The following DOCK9 variants were observed in gnomAD, a reference collection of about 807,000 sequenced individuals.
DOCK9 encodes the protein dedicator of cytokinesis 9.
In DOCK9, 89 loss-of-function variants were observed where a neutral mutation model predicts 263.3. The observed-to-expected ratio is 0.34, with a 90% CI of 0.28 to 0.40. The LOEUF is 0.40. Among genes scored for constraint, DOCK9 ranks in the 10% least tolerant of loss-of-function variants. The pLI is 1.00. For synonymous variants in DOCK9, 976 were observed against 973.1 expected, an observed-to-expected ratio of 1.00 and a Z score of -0.06; for missense variants, 2,140 against 2,603.4, an observed-to-expected ratio of 0.82 and a Z score of 3.87.
intron 50 of DOCK9, among the ~76,000 whole-genome samples, chr13:98,799,074 A>T (rs907110079): frequency 1.3e-5 from 2 of 152,190 alleles, no homozygotes; most frequent in African/African-American, 4.8e-5. Flanking sequence ...TGGAATACTT[A>T]TGTTCACTTG....
intron 15 of DOCK9, among the ~76,000 whole-genome samples, chr13:98,896,786 T>C (rs2047503500): frequency 6.6e-6 from 1 of 152,190 alleles, no homozygotes; most frequent in Admixed American, 6.5e-5. Flanking sequence ...TGCTCCCTCT[T>C]TGCCTCATTG....
chr13:99,020,461 T>G (rs552898719), intron 1 of DOCK9, among the ~76,000 whole-genome samples: 49 of 152,166 alleles, frequency 3.2e-4, no homozygotes, highest in African/African-American at 8.7e-4. Context: ...TAAATTCAGG[T>G]TAAGACCTGC....
At chr13:98,826,300 A>G (rs1404130187) in intron 44 of DOCK9, among the ~76,000 whole-genome samples, 1 of 152,200 alleles carries the variant, frequency 6.6e-6, no homozygotes, top group Non-Finnish European at 1.5e-5. Flanking sequence ...CCAAAGGGAA[A>G]CTGTGAAAGA....
chr13:98,925,242 A>G (rs1017141925), intron 4 of DOCK9, among the ~76,000 whole-genome samples: 1 of 152,160 alleles, frequency 6.6e-6, no homozygotes, highest in African/African-American at 2.4e-5. Context: ...CTTTAAAGCA[A>G]CACACAATGG....
chr13:98,899,604 A>G (rs1386242369), intron 13 of DOCK9, among the ~76,000 whole-genome samples: 1 of 152,144 alleles, frequency 6.6e-6, no homozygotes, highest in African/African-American at 2.4e-5. Flanking sequence ...TCTTAGGTGT[A>G]TGAGTTATAG....
At chr13:98,927,341 T>C (rs1365799227) in intron 3 of DOCK9, among the ~76,000 whole-genome samples, 1 of 152,150 alleles carries the variant, frequency 6.6e-6, no homozygotes, top group Non-Finnish European at 1.5e-5. Flanking sequence ...TAATCCATAG[T>C]TTTGGATTTT....
At chr13:98,904,106 G>A (rs2048739927) in intron 10 of DOCK9, among the ~76,000 whole-genome samples, 1 of 152,122 alleles carries the variant, frequency 6.6e-6, no homozygotes, top group Non-Finnish European at 1.5e-5. Context: ...ACTTAAAAAT[G>A]GTTAAAATGG....
chr13:98,977,814 T>G lies in DOCK9; in HGVS notation c.96A>C (p.Glu32Asp). 1 of 1,611,242 alleles carries G rather than the reference T, an allele frequency of 6.2e-7. No homozygotes were observed. The highest frequency in any genetic ancestry group is 1.1e-5 in the South Asian group (1 of 90,216). ...CAGGGCCCGGGCTCTCTGCTTCCAC[T>G]TCGCCCTGAGCTGCATCCTTGTATT... ...PLQYKDAAQG[E>D]VEAESPGPVP... The change falls in exon 1 of 53, where the codon GAA becomes GAC. Residue 32 changes from glutamate (E) to aspartate (D), a missense_variant. This residue lies in a region of DOCK9 where 1,521 missense variants were observed against 1,741.7 expected (regional missense o/e 0.87). Transcript: ENST00000682017.
chr13:98,923,208 A>C, intron 5 of DOCK9, 94 bp downstream of exon 5: 1 of 1,261,706 alleles, frequency 7.9e-7, no homozygotes, highest in African/African-American at 1.5e-5. Flanking sequence ...GTTTTGGCTA[A>C]ATGTCGGTAA....
intron 15 of DOCK9, among the ~76,000 whole-genome samples, chr13:98,893,442 TCAAATA>T (rs2046931716): frequency 6.6e-6 from 1 of 152,174 alleles, no homozygotes; most frequent in African/African-American, 2.4e-5. Flanking sequence ...CATGAACAAA[TCAAATA>T]CAAAGTACCA....
intron 1 of DOCK9, among the ~76,000 whole-genome samples, chr13:99,039,773 C>T (rs993408001): frequency 6.6e-6 from 1 of 152,104 alleles, no homozygotes; most frequent in Non-Finnish European, 1.5e-5. Flanking sequence ...ACCATTATAC[C>T]TTGAACACAA....
At position 99,062,058 on chromosome 13, in the gene DOCK9, G is replaced by C. The variant is rs530551766; in HGVS notation, c.129+24165C>G. 2.6e-5 allele frequency among the ~76,000 whole-genome samples: 4 copies of C among 152,062 alleles called. No homozygotes were observed. In the East Asian group the frequency reaches 7.7e-4, roughly 29 times the overall value. On this transcript the variant is annotated intron_variant, in intron 1 of 32. Coordinates refer to the DOCK9 transcript ENST00000427887. ...GGCTAATTTTTTTATGTTTTGTAGA[G>C]ACGGGCTCTCGCTATGTTGCTTAGG... is the stretch of plus-strand genomic sequence containing the variant.
chr13:98,848,784 T>A (rs530136624), intron 36 of DOCK9, 145 bp from the exon 37 acceptor site: 2 of 872,088 alleles, frequency 2.3e-6, no homozygotes, highest in South Asian at 3.4e-5. Context: ...AGAATGGTTT[T>A]TGGGAGTCCT....
intron 7 of DOCK9, among the ~76,000 whole-genome samples, chr13:98,919,363 C>T (rs781469353): frequency 1.8e-4 from 27 of 152,092 alleles, no homozygotes; most frequent in Non-Finnish European, 3.1e-4. Flanking sequence ...CCTCCCAAAG[C>T]GTTGAGATTA....
At chr13:99,062,153 T>C (rs950329756) in intron 1 of DOCK9, among the ~76,000 whole-genome samples, 3 of 152,296 alleles carry the variant, frequency 2.0e-5, no homozygotes, top group Admixed American at 6.5e-5. Flanking sequence ...ATTGCAGGCA[T>C]GAGCCACCAT....
chr13:98,860,409 G>A lies in DOCK9; in HGVS notation c.3693C>T (p.Gly1231=). 1 of 1,583,630 alleles carries A rather than the reference G, an allele frequency of 6.3e-7. No individual in the cohort carries two copies. The highest frequency in any genetic ancestry group is 8.6e-7 in the Non-Finnish European group (1 of 1,163,540). ...LHKDLLGAIS[G]IASPYTTSTP... ...CACAAGAGCATGGAGCGTTACCAAT[G>A]CCGGAGATGGCGCCCAGCAGGTCCT... The change falls in exon 33 of 53, where the codon GGC becomes GGT. Residue 1231 remains glycine, a synonymous_variant. Coordinates refer to ENST00000682017, the MANE Select transcript of DOCK9 (RefSeq NM_001366683.2).
In DOCK9 at chr13:99,000,495, G is replaced by A. The variant is rs186081509; in HGVS notation, c.130-44944C>T. ...GCTTGCAGGTGGCAAGATACAGCACGGTAGGACACCATTAAAAATCTCATG... is the reference window on the plus strand; with the variant it reads ...GCTTGCAGGTGGCAAGATACAGCACAGTAGGACACCATTAAAAATCTCATG... On this transcript the variant is annotated intron_variant, in intron 1 of 32. Coordinates refer to the DOCK9 transcript ENST00000427887. Among the ~76,000 whole-genome samples, 63 of 152,114 alleles carry A rather than the reference G, an allele frequency of 4.1e-4. 1 individual carries two copies. Among genetic ancestry groups the A allele is most frequent in the Admixed American group, 3.2e-3 (49 of 15,268 alleles).
intron 1 of DOCK9, among the ~76,000 whole-genome samples, chr13:99,017,595 T>A (rs1885582671): frequency 6.6e-6 from 1 of 152,148 alleles, no homozygotes; most frequent in South Asian, 2.1e-4. Context: ...GCTGTTTGAT[T>A]TACTTTTAGA....
At chr13:98,942,002 T>G (rs963847414) in intron 2 of DOCK9, among the ~76,000 whole-genome samples, 1 of 152,134 alleles carries the variant, frequency 6.6e-6, no homozygotes, top group Non-Finnish European at 1.5e-5. Context: ...TTTAGGAAGG[T>G]TTATCACTTA....
Sources: allele counts gnomAD v4.1 joint callset (sites outside exome capture counted in the v4.1 genomes callset), GRCh38; gene constraint gnomAD v4.1.1; regional missense constraint gnomAD v4.1.1; transcripts MANE v1.5; gene names NCBI Gene and HGNC (gene_info 2026-07-23, HGNC 2026-07-21).